Variants in MALRD1 observed in about 807,000 individuals in gnomAD.
The protein encoded by MALRD1 is MAM and LDL receptor class A domain containing 1.
Under a neutral mutation model 242.1 loss-of-function variants are expected in MALRD1, and 247 were observed. That is an observed-to-expected ratio of 1.02 (90% CI 0.92 to 1.13). The LOEUF is 1.13. Ranked by LOEUF, MALRD1 falls within the 50% of genes most tolerant of loss-of-function variation. The pLI, the probability that MALRD1 is intolerant of heterozygous loss-of-function variation, is 0.00. For synonymous variants in MALRD1, 995 were observed against 866.6 expected, an observed-to-expected ratio of 1.15 and a Z score of -2.60; for missense variants, 2,989 against 2,533.1, an observed-to-expected ratio of 1.18 and a Z score of -3.86.
intron 14 of MALRD1, among the ~76,000 whole-genome samples, chr10:19,182,161 C>T (rs1835535041): frequency 6.6e-6 from 1 of 151,962 alleles, no homozygotes; most frequent in Non-Finnish European, 1.5e-5. Context: ...TACATTAAGA[C>T]TGTTACCAAA....
In MALRD1 at chr10:19,079,512, T is replaced by A. The variant is rs188816139; in HGVS notation, c.341-8328T>A. 6.6e-5 allele frequency among the ~76,000 whole-genome samples: 10 copies of A among 152,024 alleles called. No individual in the cohort carries two copies. The East Asian group carries it at 1.9e-3, about 29-fold the overall frequency. On this transcript the variant is annotated intron_variant, in intron 2 of 39. Transcript: ENST00000454679. ...GTTAGGTCTAGTTGGTTTATAGAAT[T>A]GCTCAAGTTTTCTATTTTCTTGCTG...
chr10:19,373,203 CAAA>C lies in MALRD1; in HGVS notation c.4442-14310_4442-14308del, dbSNP rs374095193. Among the ~76,000 whole-genome samples, 535 of 114,858 alleles carry C rather than the reference CAAA, an allele frequency of 4.7e-3. 12 individuals carry two copies. Among genetic ancestry groups the C allele is most frequent in the African/African-American group, 0.013 (381 of 29,234 alleles). 75.4% of individuals were successfully genotyped at this position (114,858 alleles called of 152,430 possible). A position where few individuals can be genotyped will look rare whatever the true frequency, so the allele number is the denominator to read the frequency against. On this transcript the variant is annotated intron_variant, in intron 26 of 39. Transcript: ENST00000454679. ...CTTGCATTTCAGCAAACGCTAAATACAAAAAAAAAAAAAAAAATAAGGGGCCGG... is the reference window on the plus strand; with the variant it reads ...CTTGCATTTCAGCAAACGCTAAATACAAAAAAAAAAAAAATAAGGGGCCGG...
At chr10:19,467,895 G>A (rs1349255252) in intron 29 of MALRD1, among the ~76,000 whole-genome samples, 1 of 151,908 alleles carries the variant, frequency 6.6e-6, no homozygotes, top group Non-Finnish European at 1.5e-5. Context: ...TTGGGTTCAC[G>A]TAATTCTCCT....
chr10:19,722,618 AAGG>A (rs1355020248), intron 38 of MALRD1: 21 of 148,114 alleles, frequency 1.4e-4, no homozygotes, highest in African/African-American at 5.2e-4. Flanking sequence ...AAAAAAAAAA[AAGG>A]TGGAAAAAAT....
At chr10:19,356,662 A>T (rs1017414784) in intron 26 of MALRD1, among the ~76,000 whole-genome samples, 1 of 152,084 alleles carries the variant, frequency 6.6e-6, no homozygotes, top group Non-Finnish European at 1.5e-5. Flanking sequence ...GTAGGTACTC[A>T]TGGCTATTGG....
rs991135605 is a variant in MALRD1 at position 19,326,659 on chromosome 10, A to G, written c.3577-904A>G. 2.0e-5 allele frequency among the ~76,000 whole-genome samples: 3 copies of G among 152,128 alleles called. No individual in the cohort carries two copies. The East Asian group carries it at 5.8e-4, about 29-fold the overall frequency. ...TCATTTCATGATAGTTTTGCTAGTAACACATTATTTTTTCTATGACTCTGG... is the reference window on the plus strand; with the variant it reads ...TCATTTCATGATAGTTTTGCTAGTAGCACATTATTTTTTCTATGACTCTGG... On this transcript the variant is annotated intron_variant, in intron 22 of 39. Transcript: ENST00000454679.
intron 32 of MALRD1, among the ~76,000 whole-genome samples, chr10:19,548,913 G>A (rs1462747134): frequency 6.6e-6 from 1 of 152,188 alleles, no homozygotes; most frequent in Admixed American, 6.5e-5. Context: ...TAGGCTGAAA[G>A]CTAGACGTCT....
At chr10:19,552,817 T>C (rs1024996561) in intron 32 of MALRD1, among the ~76,000 whole-genome samples, 2 of 152,134 alleles carry the variant, frequency 1.3e-5, no homozygotes, top group African/African-American at 4.8e-5. Flanking sequence ...CAAGTTCTGC[T>C]CTCCTGCCCT....
chr10:19,177,082 G>A (rs1835291168), intron 14 of MALRD1, among the ~76,000 whole-genome samples: 1 of 151,876 alleles, frequency 6.6e-6, no homozygotes, highest in African/African-American at 2.4e-5. Flanking sequence ...TTCAAGACCT[G>A]CCTGGCCAAC....
In MALRD1 at chr10:19,601,685, T is replaced by G. The variant is rs761728987; in HGVS notation, c.5945-6092T>G. 2.0e-5 allele frequency among the ~76,000 whole-genome samples: 3 copies of G among 152,032 alleles called. No individual in the cohort carries two copies. The East Asian group carries it at 5.8e-4, about 29-fold the overall frequency. ...TATTTGTGCCAAAGTTGTGAACTTA[T>G]AACACTTATAAATTAGAGCTCTTTA... On this transcript the variant is annotated intron_variant, in intron 34 of 39. Transcript: ENST00000454679.
intron 32 of MALRD1, 52 bp from the exon 33 acceptor site, chr10:19,567,450 T>C (rs940481977): frequency 2.4e-5 from 34 of 1,439,774 alleles, no homozygotes; most frequent in Non-Finnish European, 3.1e-5. Context: ...CTGGATGTCC[T>C]GATACTTCTA....
chr10:19,235,736 A>G (rs1838290955), intron 18 of MALRD1, among the ~76,000 whole-genome samples: 1 of 152,104 alleles, frequency 6.6e-6, no homozygotes, highest in African/African-American at 2.4e-5. Context: ...ACATGTATGG[A>G]GTGAATGAGG....
intron 38 of MALRD1, among the ~76,000 whole-genome samples, chr10:19,694,190 C>G (rs898156680): frequency 2.0e-5 from 3 of 152,094 alleles, no homozygotes; most frequent in Non-Finnish European, 4.4e-5. Flanking sequence ...TCCAAAACAC[C>G]AAAAGCAATG....
intron 14 of MALRD1, among the ~76,000 whole-genome samples, chr10:19,186,725 CGTT>C (rs1835752164): frequency 6.6e-6 from 1 of 151,864 alleles, no homozygotes; most frequent in South Asian, 2.1e-4. Context: ...TTGACAAGAT[CGTT>C]GTTCTTCTTC....
chr10:19,574,351 A>G (rs552909411), intron 33 of MALRD1, among the ~76,000 whole-genome samples: 2 of 152,296 alleles, frequency 1.3e-5, no homozygotes, highest in South Asian at 4.1e-4. Flanking sequence ...ATGACTAGAG[A>G]AATATGTTGA....
chr10:19,471,417 G>A (rs1836488561), intron 29 of MALRD1, among the ~76,000 whole-genome samples: 1 of 151,682 alleles, frequency 6.6e-6, no homozygotes, highest in Non-Finnish European at 1.5e-5. Context: ...TCTAATCAGG[G>A]TATTTTGTAA....
intron 28 of MALRD1, among the ~76,000 whole-genome samples, chr10:19,443,174 T>C (rs1207360548): frequency 3.3e-5 from 5 of 152,172 alleles, no homozygotes; most frequent in Non-Finnish European, 7.3e-5. Context: ...ATCCCCTTTA[T>C]CATTTTTTTA....
At chr10:19,491,362 C>A (rs1837485179) in intron 29 of MALRD1, 155 bp from the exon 30 acceptor site, 2 of 875,058 alleles carry the variant, frequency 2.3e-6, no homozygotes, top group East Asian at 3.0e-5. Context: ...GAAGGTGGGA[C>A]TGAGAAAGAG....
In MALRD1 at chr10:19,592,572, G is replaced by A. The variant is rs149845998; in HGVS notation, c.5681-2622G>A. ...CAGTACAAGCCAGTATCTGTTATAC[G>A]CAGGACAAGCCCAATGGCGACCTTG... On this transcript the variant is annotated intron_variant, in intron 33 of 39. Coordinates refer to ENST00000454679, the MANE Select transcript of MALRD1 (RefSeq NM_001142308.3). Among the ~76,000 whole-genome samples the A allele has an allele frequency of 7.1e-3, 1,078 of 152,280 alleles. 14 individuals carry two copies. Among genetic ancestry groups the A allele is most frequent in the Non-Finnish European group, 7.0e-3 (479 of 68,026 alleles).
Sources: allele counts gnomAD v4.1 joint callset (sites outside exome capture counted in the v4.1 genomes callset), GRCh38; gene constraint gnomAD v4.1.1; transcripts MANE v1.5; gene names NCBI Gene and HGNC (gene_info 2026-07-23, HGNC 2026-07-21).